Variants in STXBP5L observed in about 807,000 individuals in gnomAD.
The protein encoded by STXBP5L is syntaxin-binding protein 5-like.
Under a neutral mutation model 144.5 loss-of-function variants are expected in STXBP5L, and 65 were observed. The observed-to-expected ratio is 0.45, with a 90% CI of 0.37 to 0.55. STXBP5L has a LOEUF of 0.55. Among genes scored for constraint, STXBP5L ranks in the 20% least tolerant of loss-of-function variants. The pLI, the probability that STXBP5L is intolerant of heterozygous loss-of-function variation, is 0.00. For synonymous variants in STXBP5L, 505 were observed against 469.6 expected, an observed-to-expected ratio of 1.08 and a Z score of -0.97; for missense variants, 1,298 against 1,405.5, an observed-to-expected ratio of 0.92 and a Z score of 1.22.
At chr3:121,001,048 T>C (rs1576621400) in intron 3 of STXBP5L, among the ~76,000 whole-genome samples, 1 of 152,248 alleles carries the variant, frequency 6.6e-6, no homozygotes, top group African/African-American at 2.4e-5. Context: ...TGATACTGCA[T>C]TGGTGGATGC....
chr3:120,915,702 T>A (rs1050218162), intron 2 of STXBP5L, among the ~76,000 whole-genome samples: 1 of 152,144 alleles, frequency 6.6e-6, no homozygotes, highest in African/African-American at 2.4e-5. Flanking sequence ...AGATTAAGTA[T>A]TCTGAATAAT....
At chr3:120,912,979 A>G (rs1363183754) in intron 2 of STXBP5L, among the ~76,000 whole-genome samples, 1 of 151,948 alleles carries the variant, frequency 6.6e-6, no homozygotes, top group Non-Finnish European at 1.5e-5. Context: ...ACGATTGGAT[A>G]ATTCCCAGCC....
At chr3:121,261,794 C>T (rs1483449585) in intron 18 of STXBP5L, among the ~76,000 whole-genome samples, 1 of 152,066 alleles carries the variant, frequency 6.6e-6, no homozygotes, top group East Asian at 1.9e-4. Context: ...AGCAAATATG[C>T]TCTATGGTGA....
At chr3:120,977,773 G>T (rs1473795631) in intron 3 of STXBP5L, among the ~76,000 whole-genome samples, 1 of 152,144 alleles carries the variant, frequency 6.6e-6, no homozygotes, top group Non-Finnish European at 1.5e-5. Context: ...TTGCTTGTCT[G>T]TGAAGTATTT....
rs555373296 is a variant in STXBP5L at position 120,977,404 on chromosome 3, T to G, written c.287+22367T>G. 7.9e-5 allele frequency among the ~76,000 whole-genome samples: 12 copies of G among 152,322 alleles called. 1 individual carries two copies. In the South Asian group the frequency reaches 2.3e-3, roughly 29 times the overall value. ...TTTGTTTTCCATTTGCTTGTAGATC[T>G]TCCTTCATCCCTTTATTTTGAGCCT... On this transcript the variant is annotated intron_variant, in intron 3 of 26. Transcript: ENST00000471454.
chr3:121,084,792 C>T (rs1223539781), intron 5 of STXBP5L, among the ~76,000 whole-genome samples: 1 of 152,094 alleles, frequency 6.6e-6, no homozygotes, highest in Non-Finnish European at 1.5e-5. Flanking sequence ...TACTGTCTTC[C>T]ACTCTTTAAA....
At chr3:121,116,603 A>G (rs894219579) in intron 6 of STXBP5L, among the ~76,000 whole-genome samples, 6 of 152,074 alleles carry the variant, frequency 3.9e-5, no homozygotes, top group Non-Finnish European at 8.8e-5. Flanking sequence ...TTACATATAC[A>G]CTGCTATTGA....
intron 5 of STXBP5L, among the ~76,000 whole-genome samples, chr3:121,101,786 A>C (rs2043440188): frequency 6.6e-6 from 1 of 152,042 alleles, no homozygotes; most frequent in Non-Finnish European, 1.5e-5. Context: ...AAAGAAGAAG[A>C]AAAACTATGT....
In STXBP5L at chr3:121,041,779, G is replaced by T; in HGVS notation, c.367G>T (p.Glu123Ter). The change falls in exon 4 of 27, where the codon GAG becomes TAG. Residue 123 changes from glutamate (E) to a stop codon, truncating the protein, a stop_gained and splice_region_variant. Coordinates refer to ENST00000471454, the MANE Select transcript of STXBP5L (RefSeq NM_001308330.2). LOFTEE classifies it high-confidence loss of function. ...CCTACAGCTCCAATTTTTGATCAAT[G>T]AGGTAAGGATTATTTTTTGACTACT... ...AVLQLQFLINEGALVSASSDD... is the reference protein window; with the variant it reads ...AVLQLQFLIN The T allele has an allele frequency of 6.2e-7, 1 of 1,610,878 alleles. No individual in the cohort carries two copies. The highest frequency in any genetic ancestry group is 8.5e-7 in the Non-Finnish European group (1 of 1,177,622).
At chr3:121,314,625 GA>G (rs2043713537) in intron 19 of STXBP5L, among the ~76,000 whole-genome samples, 1 of 150,948 alleles carries the variant, frequency 6.6e-6, no homozygotes, top group South Asian at 2.1e-4. Flanking sequence ...GAGGGAGAGG[GA>G]GAGGGAGAGC....
intron 5 of STXBP5L, among the ~76,000 whole-genome samples, chr3:121,078,570 C>T (rs1487003081): frequency 6.6e-6 from 1 of 152,238 alleles, no homozygotes; most frequent in African/African-American, 2.4e-5. Context: ...GACTGGGCAC[C>T]ATGGAGCAGG....
At chr3:121,345,758 A>G (rs1446626554) in intron 20 of STXBP5L, among the ~76,000 whole-genome samples, 3 of 152,106 alleles carry the variant, frequency 2.0e-5, no homozygotes, top group African/African-American at 7.2e-5. Context: ...TCTCATGACA[A>G]GTGATAATAA....
At chr3:121,106,599 T>A (rs574020000) in intron 5 of STXBP5L, among the ~76,000 whole-genome samples, 80 of 152,318 alleles carry the variant, frequency 5.3e-4, no homozygotes, top group African/African-American at 1.9e-3. Context: ...CTGCATAGTA[T>A]TCCATGGTGT....
intron 20 of STXBP5L, among the ~76,000 whole-genome samples, chr3:121,320,527 T>C (rs1232223144): frequency 1.3e-5 from 2 of 152,042 alleles, no homozygotes; most frequent in East Asian, 3.9e-4. Flanking sequence ...TAAGTAGACT[T>C]TTTTTCTTGT....
At chr3:121,104,486 G>A (rs1308469032) in intron 5 of STXBP5L, among the ~76,000 whole-genome samples, 1 of 152,096 alleles carries the variant, frequency 6.6e-6, no homozygotes, top group East Asian at 1.9e-4. Context: ...CACATGACCC[G>A]ACTTCAAACT....
At chr3:121,044,574 C>T (rs902341288) in intron 4 of STXBP5L, among the ~76,000 whole-genome samples, 5 of 152,132 alleles carry the variant, frequency 3.3e-5, no homozygotes, top group African/African-American at 9.7e-5. Flanking sequence ...TTAGAGAACA[C>T]ATTTAATGCT....
chr3:121,139,515 C>T (rs1165765158), intron 7 of STXBP5L, among the ~76,000 whole-genome samples: 1 of 152,030 alleles, frequency 6.6e-6, no homozygotes, highest in Non-Finnish European at 1.5e-5. Context: ...AGTGTTCAAA[C>T]CTAGGCAATG....
chr3:120,917,570 C>T (rs1384637459), intron 2 of STXBP5L, among the ~76,000 whole-genome samples: 1 of 152,030 alleles, frequency 6.6e-6, no homozygotes, highest in African/African-American at 2.4e-5. Context: ...TAGCACATGC[C>T]TGTAGTCCTA....
At chr3:121,304,948 A>G (rs2043287775) in intron 19 of STXBP5L, among the ~76,000 whole-genome samples, 1 of 152,012 alleles carries the variant, frequency 6.6e-6, no homozygotes, top group African/African-American at 2.4e-5. Flanking sequence ...AACAATACTG[A>G]TCCAGAAAGA....
Sources: allele counts gnomAD v4.1 joint callset (sites outside exome capture counted in the v4.1 genomes callset), GRCh38; gene constraint gnomAD v4.1.1; transcripts MANE v1.5; gene names NCBI Gene and HGNC (gene_info 2026-07-23, HGNC 2026-07-21).